NANOGNB: variants seen among roughly 807,000 people sequenced by gnomAD.
NANOGNB encodes the protein homeobox C14.
Under a neutral mutation model 25.0 loss-of-function variants are expected in NANOGNB, and 30 were observed. The ratio of observed to expected loss-of-function variants is 1.20; its 90% CI spans 0.90 to 1.63. The LOEUF (loss-of-function observed/expected upper bound fraction) is 1.63, where lower values mean the gene tolerates loss of function less well. Ranked by LOEUF, NANOGNB falls within the 40% of genes most tolerant of loss-of-function variation. The pLI is 0.00. For synonymous variants in NANOGNB, 84 were observed against 62.1 expected (o/e 1.35, Z -1.66); for missense variants, 200 against 188.1 (o/e 1.06, Z -0.37).
At chr12:7,766,861 G>C (rs1032393042) in intron 1 of NANOGNB, among the ~76,000 whole-genome samples, 1 of 152,080 alleles carries the variant, frequency 6.6e-6, no homozygotes, top group Admixed American at 6.6e-5. Context: ...TTTGTTTTGA[G>C]ACTGAGTTTT....
Position 7,765,290 on chromosome 12 carries a change from A to T in NANOGNB, c.5A>T (p.His2Leu). ...ATTGGTCTTTAAAACTCCTCAATGCACCGGGCGCGGTGGCTCACGCCTGTA... is the reference window on the plus strand; with the variant it reads ...ATTGGTCTTTAAAACTCCTCAATGCTCCGGGCGCGGTGGCTCACGCCTGTA... MHRARWLTPVIP... is the reference protein window; with the variant it reads MLRARWLTPVIP... The change falls in exon 1 of 4, where the codon CAC (histidine) becomes CTC (leucine). Residue 2 changes from histidine (H) to leucine (L), a missense_variant. Physicochemically the swap from His to Leu is moderately conservative, Grantham distance 99. Coordinates refer to ENST00000382119, the MANE Select transcript of NANOGNB (RefSeq NM_001145465.1). 1 of 1,282,612 alleles carries T rather than the reference A, an allele frequency of 7.8e-7. No homozygotes were observed. The highest frequency in any genetic ancestry group is 5.7e-5 in the East Asian group (1 of 17,638). 79.5% of individuals were successfully genotyped at this position (1,282,612 alleles called of 1,614,324 possible).
intron 3 of NANOGNB, among the ~76,000 whole-genome samples, chr12:7,773,255 C>T (rs568544985): frequency 6.6e-6 from 1 of 151,588 alleles, no homozygotes; most frequent in South Asian, 2.1e-4. Context: ...CCATGCCCAG[C>T]TGGTGTGATG....
chr12:7,771,006 A>G (rs1048682403), intron 3 of NANOGNB, among the ~76,000 whole-genome samples: 15 of 152,330 alleles, frequency 9.8e-5, no homozygotes, highest in African/African-American at 2.9e-4. Context: ...ACACACTCAC[A>G]TATGCATGCC....
At chr12:7,769,068 G>A (rs1260748925) in intron 1 of NANOGNB, among the ~76,000 whole-genome samples, 4 of 152,104 alleles carry the variant, frequency 2.6e-5, no homozygotes, top group Non-Finnish European at 5.9e-5. Context: ...CAGCTCCATC[G>A]CACACTGAAG....
intron 1 of NANOGNB, 68 bp from the exon 2 acceptor site, chr12:7,769,915 T>G: frequency 1.8e-6 from 2 of 1,094,774 alleles, no homozygotes; most frequent in Non-Finnish European, 2.6e-6. Context: ...CAGGGAAGAT[T>G]GTTGACTATG....
At chr12:7,765,747 C>T (rs1351052159) in intron 1 of NANOGNB, among the ~76,000 whole-genome samples, 1 of 151,846 alleles carries the variant, frequency 6.6e-6, no homozygotes, top group Non-Finnish European at 1.5e-5. Flanking sequence ...GATAGAGAGG[C>T]CTGAGTGGGT....
In NANOGNB at chr12:7,770,106, GA is replaced by G; in HGVS notation, c.231del (p.Glu78LysfsTer31). The G allele has an allele frequency of 6.5e-7, 1 of 1,541,606 alleles. No homozygotes were observed. Among genetic ancestry groups the G allele is most frequent in the Non-Finnish European group, 8.8e-7 (1 of 1,139,156 alleles). ...AGAAGCAGGCAGAAAGAGAGAACGA[GA>G]AAAAGAAGAAAAAAACGAAAAGGAG... ...EGEAGRKRER[E>X]KEEKNEKELQ... is the part of the protein sequence containing the mutation. On this transcript the variant is annotated frameshift_variant, in exon 2 of 4. Coordinates refer to ENST00000382119, the MANE Select transcript of NANOGNB (RefSeq NM_001145465.1). LOFTEE classifies it high-confidence loss of function.
In NANOGNB at chr12:7,765,299, G is replaced by C. The variant is rs141049797; in HGVS notation, c.14G>C (p.Arg5Pro). 6.7e-4 allele frequency: 844 copies of C among 1,264,360 alleles called. 7 individuals carry two copies. The African/African-American group carries it at 0.01, about 15-fold the overall frequency. The allele number at this position is 1,264,360 out of a possible 1,614,324, so 78.3% of individuals were successfully genotyped here. A position where few individuals can be genotyped will look rare whatever the true frequency, so the allele number is the denominator to read the frequency against. The change falls in exon 1 of 4, where the codon CGG (arginine) becomes CCG (proline). Residue 5 changes from arginine (R) to proline (P), a missense_variant. By Grantham distance (103) the Arg-to-Pro change is moderately radical. Coordinates refer to ENST00000382119, the MANE Select transcript of NANOGNB (RefSeq NM_001145465.1). MHRARWLTPVIPALW... is the reference protein window; with the variant it reads MHRAPWLTPVIPALW... The stretch of plus-strand genomic sequence containing the variant: ...TAAAACTCCTCAATGCACCGGGCGC[G>C]GTGGCTCACGCCTGTAATCCCAGCA...
chr12:7,772,357 A>G (rs1407041319), intron 3 of NANOGNB, among the ~76,000 whole-genome samples: 1 of 151,834 alleles, frequency 6.6e-6, no homozygotes, highest in East Asian at 1.9e-4. Context: ...GGCTCACTGC[A>G]AGCTCTGTCT....
At chr12:7,772,206 G>A (rs1463030858) in intron 3 of NANOGNB, among the ~76,000 whole-genome samples, 2 of 152,148 alleles carry the variant, frequency 1.3e-5, no homozygotes, top group Non-Finnish European at 1.5e-5. Flanking sequence ...TTGGCTATGC[G>A]TACCCCTCTG....
chr12:7,765,376 T>C lies in NANOGNB; in HGVS notation c.91T>C (p.Leu31=), dbSNP rs981405973. ...RSRGQEIETI[L]ANKKQSAMPW... ...ACGAGGTCAGGAAATCGAGACCATC[T>C]TGGCTAACAAGGTAAAACCCCGTTT... Residue 31 remains leucine (L), a synonymous_variant, in exon 1 of 4, where the codon TTG becomes CTG. Transcript: ENST00000382119. 8 of 497,572 alleles carry C rather than the reference T, an allele frequency of 1.6e-5. No homozygotes were observed. Among genetic ancestry groups the C allele is most frequent in the Middle Eastern group, 3.4e-4 (1 of 2,942 alleles). The allele number at this position is 497,572 out of a possible 1,614,324, so 30.8% of individuals were successfully genotyped here.
intron 1 of NANOGNB, among the ~76,000 whole-genome samples, 169 bp downstream of exon 1, chr12:7,765,556 T>G (rs1049236240): frequency 2.0e-5 from 2 of 99,582 alleles, no homozygotes; most frequent in African/African-American, 3.7e-5. Context: ...GGCGACAGAG[T>G]GAGACTCCGT....
rs918233613 is a variant in NANOGNB at position 7,773,904 on chromosome 12, A to T, written c.*53A>T. The stretch of plus-strand genomic sequence containing the variant: ...TGTGATTACAAGCATGAGCCATCGC[A>T]CTGGCTAAGACATTTTACATGACAC... On this transcript the variant is annotated 3_prime_UTR_variant, in exon 4 of 4. Coordinates refer to ENST00000382119, the MANE Select transcript of NANOGNB (RefSeq NM_001145465.1). 1 of 593,966 alleles carries T rather than the reference A, an allele frequency of 1.7e-6. No homozygotes were observed. The highest frequency in any genetic ancestry group is 2.0e-5 in the South Asian group (1 of 50,042). The allele number at this position is 593,966 out of a possible 1,614,324, so 36.8% of individuals were successfully genotyped here. A position where few individuals can be genotyped will look rare whatever the true frequency, so the allele number is the denominator to read the frequency against.
chr12:7,771,093 A>G (rs764012030), intron 3 of NANOGNB, among the ~76,000 whole-genome samples: 1 of 152,212 alleles, frequency 6.6e-6, no homozygotes, highest in Non-Finnish European at 1.5e-5. Context: ...TACAGAATTG[A>G]TAATTTTGTC....
chr12:7,767,528 C>G (rs1865256110), intron 1 of NANOGNB, among the ~76,000 whole-genome samples: 1 of 151,838 alleles, frequency 6.6e-6, no homozygotes. Context: ...AGCTGCCATC[C>G]CACCTCACCC....
In NANOGNB at chr12:7,773,947, G is replaced by A; in HGVS notation, c.*96G>A. On this transcript the variant is annotated 3_prime_UTR_variant, in exon 4 of 4. Transcript: ENST00000382119. ...CATGACACCATTCTCACCAATAAATGGAGTTCTGAAAGGATAAACAAGAAA... is the reference window on the plus strand; with the variant it reads ...CATGACACCATTCTCACCAATAAATAGAGTTCTGAAAGGATAAACAAGAAA... The A allele has an allele frequency of 1.9e-6, 1 of 524,194 alleles. No individual in the cohort carries two copies. Among genetic ancestry groups the A allele is most frequent in the Non-Finnish European group, 3.3e-6 (1 of 300,252 alleles). The allele number at this position is 524,194 out of a possible 1,614,324, so 32.5% of individuals were successfully genotyped here.
chr12:7,772,182 C>T (rs1862574097), intron 3 of NANOGNB, among the ~76,000 whole-genome samples: 1 of 152,194 alleles, frequency 6.6e-6, no homozygotes, highest in Non-Finnish European at 1.5e-5. Flanking sequence ...TTCCTGGCAG[C>T]CAGTGCAGGG....
At position 7,769,982 on chromosome 12, in the gene NANOGNB, G is replaced by A. The variant is rs1865276739; in HGVS notation, c.103-1G>A. 1.3e-6 allele frequency: 2 copies of A among 1,497,952 alleles called. No individual in the cohort carries two copies. Among genetic ancestry groups the A allele is most frequent in the African/African-American group, 1.4e-5 (1 of 70,122 alleles). 92.8% of individuals were successfully genotyped at this position (1,497,952 alleles called of 1,614,324 possible). ...TTTATTCCACGGATCTTTTTATACA[G>A]AAACAATCAGCTATGCCTTGGGATC... On this transcript the variant is annotated splice_acceptor_variant, in intron 1 of 3. Coordinates refer to ENST00000382119, the MANE Select transcript of NANOGNB (RefSeq NM_001145465.1). LOFTEE classifies it high-confidence loss of function.
chr12:7,772,962 G>C (rs1282226429), intron 3 of NANOGNB, among the ~76,000 whole-genome samples: 2 of 151,994 alleles, frequency 1.3e-5, no homozygotes, highest in African/African-American at 4.8e-5. Flanking sequence ...AGAGTTACAT[G>C]CATGAGACTG....
Sources: allele counts gnomAD v4.1 joint callset (sites outside exome capture counted in the v4.1 genomes callset), GRCh38; gene constraint gnomAD v4.1.1; transcripts MANE v1.5; gene names NCBI Gene and HGNC (gene_info 2026-07-23, HGNC 2026-07-21).